Variants in JAZF1 observed in about 807,000 individuals in gnomAD.
JAZF1 encodes juxtaposed with another zinc finger protein 1.
Under a neutral mutation model 26.4 loss-of-function variants are expected in JAZF1, and 8 were observed. The ratio of observed to expected loss-of-function variants is 0.30; its 90% confidence interval spans 0.18 to 0.55. The LOEUF (loss-of-function observed/expected upper bound fraction) is 0.55, where lower values mean the gene tolerates loss of function less well. Ranked by LOEUF, JAZF1 falls within the 20% of genes least tolerant of loss-of-function variation. JAZF1 has a pLI of 0.94. For synonymous variants in JAZF1, 126 were observed against 122.3 expected (o/e 1.03, Z -0.20); for missense variants, 199 against 322.0 (o/e 0.62, Z 2.92).
At chr7:28,141,728 T>C (rs17156482) in intron 1 of JAZF1, among the ~76,000 whole-genome samples, 2,894 of 152,344 alleles carry the variant, frequency 0.019, 85 homozygotes, top group African/African-American at 0.065. Flanking sequence ...GCTTGACAGA[T>C]ACTTTACATA....
intron 3 of JAZF1, among the ~76,000 whole-genome samples, chr7:27,866,139 G>A (rs1783468924): frequency 1.3e-5 from 2 of 152,204 alleles, no homozygotes; most frequent in Non-Finnish European, 2.9e-5. Flanking sequence ...AAAGGATGGT[G>A]CTCTGTGACA....
intron 2 of JAZF1, among the ~76,000 whole-genome samples, chr7:27,963,528 A>G (rs1225460920): frequency 1.3e-4 from 19 of 151,496 alleles, no homozygotes; most frequent in Admixed American, 1.3e-3. Flanking sequence ...TAATTGCACA[A>G]ATGATAGCAA....
intron 1 of JAZF1, among the ~76,000 whole-genome samples, chr7:28,120,195 C>T (rs1287876438): frequency 1.3e-5 from 2 of 150,036 alleles, no homozygotes; most frequent in African/African-American, 4.9e-5. Context: ...TTTTATTAAG[C>T]TTTTCAGGGG....
chr7:27,940,750 G>A (rs1427793334), intron 2 of JAZF1, among the ~76,000 whole-genome samples: 1 of 152,110 alleles, frequency 6.6e-6, no homozygotes, highest in Non-Finnish European at 1.5e-5. Context: ...TAAAATCTAA[G>A]CCTCTCAGTC....
intron 1 of JAZF1, among the ~76,000 whole-genome samples, chr7:28,089,366 A>G (rs1784258856): frequency 6.6e-6 from 1 of 152,218 alleles, no homozygotes; most frequent in African/African-American, 2.4e-5. Flanking sequence ...CAATTATGCT[A>G]GCACCTTGAT....
chr7:27,951,831 C>A (rs923152619), intron 2 of JAZF1, among the ~76,000 whole-genome samples: 18 of 152,168 alleles, frequency 1.2e-4, no homozygotes, highest in Non-Finnish European at 1.9e-4. Flanking sequence ...GGTTCATAAG[C>A]CACACTGCTG....
intron 3 of JAZF1, among the ~76,000 whole-genome samples, chr7:27,875,705 C>T (rs930567369): frequency 1.3e-5 from 2 of 152,330 alleles, no homozygotes; most frequent in South Asian, 4.1e-4. Context: ...ACTGTCCACC[C>T]CATGTGAATC....
chr7:27,891,823 AC>A (rs1266577517), intron 3 of JAZF1, among the ~76,000 whole-genome samples: 1 of 152,262 alleles, frequency 6.6e-6, no homozygotes, highest in Non-Finnish European at 1.5e-5. Flanking sequence ...ATAGAGTGAT[AC>A]AGTAAGACCC....
intron 3 of JAZF1, among the ~76,000 whole-genome samples, chr7:27,849,752 GACAC>G (rs72394231): frequency 1.8e-5 from 2 of 108,452 alleles, no homozygotes; most frequent in Non-Finnish European, 3.8e-5. Context: ...CTTACACACA[GACAC>G]ACACACACAC....
chr7:27,999,202 T>C (rs1377363528), intron 1 of JAZF1, among the ~76,000 whole-genome samples: 1 of 152,162 alleles, frequency 6.6e-6, no homozygotes, highest in Non-Finnish European at 1.5e-5. Context: ...TAAAATTCTT[T>C]CAAACTGGAG....
intron 4 of JAZF1, among the ~76,000 whole-genome samples, chr7:27,838,459 G>C (rs986568831): frequency 6.6e-6 from 1 of 152,068 alleles, no homozygotes; most frequent in Non-Finnish European, 1.5e-5. Context: ...GAGGACTGTA[G>C]ATCCTGGTCA....
intron 2 of JAZF1, among the ~76,000 whole-genome samples, chr7:27,979,960 C>T (rs1054301361): frequency 6.6e-6 from 1 of 152,146 alleles, no homozygotes; most frequent in Admixed American, 6.5e-5. Context: ...TCTTCAGTCT[C>T]CTACTGTTTC....
chr7:28,095,425 G>C (rs1343491357), intron 1 of JAZF1, among the ~76,000 whole-genome samples: 1 of 152,088 alleles, frequency 6.6e-6, no homozygotes. Context: ...CAAGTGAAGG[G>C]GGAGGAGCCC....
intron 1 of JAZF1, among the ~76,000 whole-genome samples, chr7:28,015,889 C>G (rs568557157): frequency 9.9e-5 from 15 of 152,144 alleles, no homozygotes; most frequent in South Asian, 6.3e-4. Context: ...TGCTCTAGGT[C>G]CCCCCTGCTC....
chr7:28,130,580 A>T (rs970802992), intron 1 of JAZF1, among the ~76,000 whole-genome samples: 1 of 152,204 alleles, frequency 6.6e-6, no homozygotes, highest in African/African-American at 2.4e-5. Flanking sequence ...GAATGTAGGC[A>T]AGCCACTTAA....
intron 1 of JAZF1, among the ~76,000 whole-genome samples, chr7:28,136,421 C>T (rs1782887318): frequency 6.6e-6 from 1 of 152,214 alleles, no homozygotes; most frequent in African/African-American, 2.4e-5. Flanking sequence ...AAGGAAAAGA[C>T]AGAAATCCCT....
intron 2 of JAZF1, among the ~76,000 whole-genome samples, chr7:27,972,924 C>A (rs1171572904): frequency 7.0e-6 from 1 of 142,548 alleles, no homozygotes; most frequent in East Asian, 2.0e-4. Flanking sequence ...ATATTTTATG[C>A]ATATATATGT....
chr7:27,902,154 T>C (rs1784173341), intron 2 of JAZF1, among the ~76,000 whole-genome samples: 2 of 152,228 alleles, frequency 1.3e-5, no homozygotes. Context: ...GTATAAATAT[T>C]AATGTACGTG....
At chr7:27,954,183 C>A (rs1785051623) in intron 2 of JAZF1, among the ~76,000 whole-genome samples, 1 of 152,212 alleles carries the variant, frequency 6.6e-6, no homozygotes, top group African/African-American at 2.4e-5. Context: ...GGGATCCAAT[C>A]CATCATAGCT....
Sources: allele counts gnomAD v4.1 joint callset (sites outside exome capture counted in the v4.1 genomes callset), GRCh38; gene constraint gnomAD v4.1.1; transcripts MANE v1.5; gene names NCBI Gene and HGNC (gene_info 2026-07-23, HGNC 2026-07-21).